The following PRKD1 variants were observed in gnomAD, a reference collection of about 807,000 sequenced individuals.
PRKD1 encodes serine/threonine-protein kinase D1.
In PRKD1, 63 loss-of-function variants were observed where a neutral mutation model predicts 95.9. The ratio of observed to expected loss-of-function variants is 0.66; its 90% CI spans 0.54 to 0.81. PRKD1 has a LOEUF of 0.81. PRKD1 is among the 30% of genes least tolerant of loss of function. The pLI is 0.00. For missense variants in PRKD1, 1,048 were observed against 1,165.3 expected, an observed-to-expected ratio of 0.90 and a Z score of 1.47; for synonymous variants, 425 against 423.1, an observed-to-expected ratio of 1.00 and a Z score of -0.05.
At chr14:29,812,026 A>C (rs765417312) in intron 1 of PRKD1, 11 of 152,212 alleles carry the variant, frequency 7.2e-5, no homozygotes, top group Non-Finnish European at 1.5e-5. Flanking sequence ...TTTATTTCAT[A>C]TAACTAAATA....
chr14:29,610,561 T>G (rs1203971263), intron 13 of PRKD1, among the ~76,000 whole-genome samples: 1 of 152,198 alleles, frequency 6.6e-6, no homozygotes, highest in Non-Finnish European at 1.5e-5. Context: ...CTTTAATTCA[T>G]TGCTGGTGGG....
intron 1 of PRKD1, among the ~76,000 whole-genome samples, chr14:29,735,834 T>G (rs1177964732): frequency 6.6e-6 from 1 of 152,186 alleles, no homozygotes; most frequent in East Asian, 1.9e-4. Context: ...AATAATTTGG[T>G]GTTCGAGTAA....
chr14:29,667,770 T>C (rs896083710), intron 2 of PRKD1, among the ~76,000 whole-genome samples: 4 of 152,170 alleles, frequency 2.6e-5, no homozygotes, highest in Non-Finnish European at 4.4e-5. Context: ...TCACAACGAT[T>C]AGTTGAATAA....
At chr14:29,659,345 G>A (rs796071165) in intron 4 of PRKD1, among the ~76,000 whole-genome samples, 15 of 152,186 alleles carry the variant, frequency 9.9e-5, no homozygotes, top group African/African-American at 3.1e-4. Context: ...TTCCATGGCT[G>A]TATCATTCAT....
At chr14:29,773,815 C>G (rs1431173531) in intron 1 of PRKD1, among the ~76,000 whole-genome samples, 3 of 152,176 alleles carry the variant, frequency 2.0e-5, no homozygotes, top group African/African-American at 7.2e-5. Flanking sequence ...AACCTGGAAA[C>G]AGTTCCAAAG....
At chr14:29,694,476 T>C (rs978491002) in intron 2 of PRKD1, among the ~76,000 whole-genome samples, 1 of 152,250 alleles carries the variant, frequency 6.6e-6, no homozygotes, top group Non-Finnish European at 1.5e-5. Flanking sequence ...GGTTGCATTC[T>C]TCTAAGCAAG....
At chr14:29,878,453 T>C (rs1042778380) in intron 1 of PRKD1, among the ~76,000 whole-genome samples, 6 of 151,650 alleles carry the variant, frequency 4.0e-5, no homozygotes, top group Non-Finnish European at 7.4e-5. Context: ...CAAATACTTG[T>C]ACAACAATGT....
chr14:29,668,664 C>A (rs940832507), intron 2 of PRKD1, among the ~76,000 whole-genome samples: 2 of 152,046 alleles, frequency 1.3e-5, no homozygotes, highest in Non-Finnish European at 1.5e-5. Context: ...AGAAATAAGG[C>A]TTCTGAAGCA....
intron 14 of PRKD1, 141 bp downstream of exon 14, chr14:29,599,515 C>T: frequency 2.7e-6 from 2 of 747,692 alleles, no homozygotes; most frequent in Non-Finnish European, 2.1e-6. Context: ...TCACATAATA[C>T]AATAAAGCCA....
intron 1 of PRKD1, among the ~76,000 whole-genome samples, chr14:29,834,261 C>G (rs1485097358): frequency 6.6e-6 from 1 of 152,060 alleles, no homozygotes; most frequent in East Asian, 1.9e-4. Flanking sequence ...AGGTTGTGAT[C>G]TGGGCAAAAA....
At chr14:29,863,629 T>C (rs1892783394) in intron 1 of PRKD1, among the ~76,000 whole-genome samples, 2 of 152,136 alleles carry the variant, frequency 1.3e-5, no homozygotes, top group South Asian at 2.1e-4. Context: ...AAGTGACATA[T>C]TATAACTGAA....
At chr14:29,851,983 G>A (rs949309923) in intron 1 of PRKD1, among the ~76,000 whole-genome samples, 6 of 152,122 alleles carry the variant, frequency 3.9e-5, no homozygotes, top group African/African-American at 1.4e-4. Context: ...CACACAAACA[G>A]AAAACCACAT....
At chr14:29,806,469 C>G (rs1167254962) in intron 1 of PRKD1, among the ~76,000 whole-genome samples, 1 of 151,872 alleles carries the variant, frequency 6.6e-6, no homozygotes, top group Non-Finnish European at 1.5e-5. Flanking sequence ...AAAAATACAA[C>G]AAGTAGATCC....
At chr14:29,789,850 G>A (rs1048131126) in intron 1 of PRKD1, among the ~76,000 whole-genome samples, 2 of 152,154 alleles carry the variant, frequency 1.3e-5, no homozygotes, top group African/African-American at 4.8e-5. Context: ...GCCATGGCAG[G>A]TGAGGTGGAC....
rs141298481 is a variant in PRKD1 at position 29,636,992 on chromosome 14, T to C, written c.986-498A>G. 5.3e-3 allele frequency among the ~76,000 whole-genome samples: 804 copies of C among 152,310 alleles called. 5 individuals are homozygous for C. The highest frequency in any genetic ancestry group is 0.018 in the African/African-American group (760 of 41,556). The stretch of plus-strand genomic sequence containing the variant: ...CTGAGTTTATGAGAGGTTGAACATG[T>C]AATTTTATAGGTAGATGCTCGTTTT... On this transcript the variant is annotated intron_variant, in intron 6 of 17. Coordinates refer to ENST00000331968, the MANE Select transcript of PRKD1 (RefSeq NM_002742.3).
intron 1 of PRKD1, among the ~76,000 whole-genome samples, chr14:29,926,449 A>T (rs1011497525): frequency 6.6e-6 from 1 of 152,124 alleles, no homozygotes; most frequent in Non-Finnish European, 1.5e-5. Flanking sequence ...TACTGTAAAC[A>T]GTGGTGGGTG....
chr14:29,644,760 T>C (rs1007807471), intron 4 of PRKD1, among the ~76,000 whole-genome samples: 62 of 152,236 alleles, frequency 4.1e-4, no homozygotes, highest in African/African-American at 1.3e-3. Context: ...ATTTCATTTA[T>C]TTATACCTCA....
chr14:29,890,929 C>T (rs562773944), intron 1 of PRKD1, among the ~76,000 whole-genome samples: 1 of 152,080 alleles, frequency 6.6e-6, no homozygotes, highest in African/African-American at 2.4e-5. Context: ...AAAATTCTAT[C>T]TATCACCAAG....
intron 1 of PRKD1, among the ~76,000 whole-genome samples, chr14:29,846,243 T>C (rs1422386236): frequency 6.6e-6 from 1 of 152,126 alleles, no homozygotes; most frequent in Non-Finnish European, 1.5e-5. Context: ...TGTGAGAAAC[T>C]ATTAACAAAC....
Sources: allele counts gnomAD v4.1 joint callset (sites outside exome capture counted in the v4.1 genomes callset), GRCh38; gene constraint gnomAD v4.1.1; transcripts MANE v1.5; gene names NCBI Gene and HGNC (gene_info 2026-07-23, HGNC 2026-07-21).